The following CDH13 variants were observed in gnomAD, a reference collection of about 807,000 sequenced individuals.
CDH13 encodes the protein cadherin 13.
A neutral mutation model predicts 63.8 loss-of-function variants in CDH13; 24 were observed. That is an observed-to-expected ratio of 0.38 (90% CI 0.27 to 0.53). The LOEUF is 0.53. Ranked by LOEUF, CDH13 falls within the 20% of genes least tolerant of loss-of-function variation. The probability of loss-of-function intolerance (pLI) is 0.85; values close to 1 mark genes in which losing one functional copy is unlikely to be tolerated. For missense variants in CDH13, 1,049 were observed against 903.1 expected, an observed-to-expected ratio of 1.16 and a Z score of -2.07; for synonymous variants, 503 against 355.3, an observed-to-expected ratio of 1.42 and a Z score of -4.67.
intron 5 of CDH13, among the ~76,000 whole-genome samples, chr16:83,250,637 G>A (rs572255216): frequency 6.6e-6 from 1 of 152,180 alleles, no homozygotes; most frequent in Non-Finnish European, 1.5e-5. Flanking sequence ...GAAATAGAGA[G>A]TTGGTCGTGG....
At chr16:82,888,350 C>G (rs8063966) in intron 2 of CDH13, among the ~76,000 whole-genome samples, 112,731 of 152,148 alleles carry the variant, frequency 0.74, 42,158 homozygotes, top group East Asian at 0.88. Context: ...CTGGACTGGG[C>G]CTGTGGGTTG....
chr16:83,574,742 G>C (rs911452139), intron 7 of CDH13, among the ~76,000 whole-genome samples: 8 of 152,156 alleles, frequency 5.3e-5, no homozygotes, highest in Non-Finnish European at 8.8e-5. Flanking sequence ...GCCCTGTTAA[G>C]ATTCCCATGT....
At chr16:83,779,840 AGAGT>A in intron 11 of CDH13, 124 bp from the exon 12 acceptor site, 2 of 641,978 alleles carry the variant, frequency 3.1e-6, no homozygotes, top group South Asian at 2.1e-5. Context: ...TCTGGGCGAT[AGAGT>A]GAGACCCTGT....
chr16:82,724,500 GT>G (rs1260185910), intron 1 of CDH13, among the ~76,000 whole-genome samples: 1 of 152,154 alleles, frequency 6.6e-6, no homozygotes, highest in East Asian at 1.9e-4. Flanking sequence ...TCCCATATAT[GT>G]TTTGGTAGAG....
intron 10 of CDH13, among the ~76,000 whole-genome samples, chr16:83,703,207 T>C (rs1042287437): frequency 6.6e-5 from 10 of 152,202 alleles, no homozygotes; most frequent in Admixed American, 2.0e-4. Flanking sequence ...CGCTGCAGTA[T>C]GTATTAACTT....
rs2033703713 is a variant in CDH13, at chr16:82,736,930, C to T, written c.45+109793C>T. On this transcript the variant is annotated intron_variant, in intron 1 of 13. Transcript: ENST00000567109. Reference sequence around the variant, plus strand: ...TCCTCCACCTTTCACTTCTCAGATGCAGCATAATCGTGTTTCTTCCTCCCC... The same window carrying T: ...TCCTCCACCTTTCACTTCTCAGATGTAGCATAATCGTGTTTCTTCCTCCCC... Among the ~76,000 whole-genome samples the T allele has an allele frequency of 2.6e-5, 4 of 152,282 alleles. No individual in the cohort carries two copies. In the South Asian group the frequency reaches 8.3e-4, roughly 32 times the overall value.
chr16:82,842,422 C>T (rs1224116709), intron 1 of CDH13, among the ~76,000 whole-genome samples: 6 of 151,786 alleles, frequency 4.0e-5, no homozygotes, highest in Admixed American at 3.9e-4. Context: ...TGTAGTTCTT[C>T]ACACTGTACC....
chr16:82,965,970 C>T (rs1329527387), intron 2 of CDH13, among the ~76,000 whole-genome samples: 1 of 152,092 alleles, frequency 6.6e-6, no homozygotes, highest in Non-Finnish European at 1.5e-5. Context: ...TAATTCAGGG[C>T]ATGAAAATAT....
At chr16:83,168,085 C>G (rs981971585) in intron 4 of CDH13, among the ~76,000 whole-genome samples, 5 of 152,064 alleles carry the variant, frequency 3.3e-5, no homozygotes, top group Admixed American at 2.6e-4. Flanking sequence ...GGTTGAAAAA[C>G]TACTAGATGC....
intron 4 of CDH13, among the ~76,000 whole-genome samples, chr16:83,132,157 C>G (rs773506696): frequency 6.6e-6 from 1 of 152,092 alleles, no homozygotes; most frequent in Non-Finnish European, 1.5e-5. Flanking sequence ...TGAAGACCCA[C>G]GAAGACCAAG....
intron 1 of CDH13, among the ~76,000 whole-genome samples, chr16:82,686,233 T>C (rs984119503): frequency 2.6e-5 from 4 of 152,200 alleles, no homozygotes; most frequent in Admixed American, 2.6e-4. Context: ...CAGAATACTC[T>C]TGAAAGTAAA....
At chr16:83,192,660 T>C (rs767201788) in intron 4 of CDH13, among the ~76,000 whole-genome samples, 2 of 152,078 alleles carry the variant, frequency 1.3e-5, no homozygotes, top group African/African-American at 2.4e-5. Context: ...ACAGGGAGCT[T>C]AAAATGTGAG....
At chr16:82,817,942 T>G (rs1295291937) in intron 1 of CDH13, among the ~76,000 whole-genome samples, 1 of 79,188 alleles carries the variant, frequency 1.3e-5, no homozygotes, top group Non-Finnish European at 2.6e-5. Flanking sequence ...TAATTATAAA[T>G]GCATGTATAT....
Position 83,619,183 on chromosome 16 carries a change from T to C in CDH13, c.1101+16589T>C, listed in dbSNP as rs184494913. Among the ~76,000 whole-genome samples the C allele has an allele frequency of 2.2e-3, 335 of 152,342 alleles. 2 individuals carry two copies. The highest frequency in any genetic ancestry group is 7.8e-3 in the African/African-American group (323 of 41,576). ...GCCCATCAGACATGTATGTGCGCTATGCCTCCTCTTTTCCAGGCTCTGTGA... is the reference window on the plus strand; with the variant it reads ...GCCCATCAGACATGTATGTGCGCTACGCCTCCTCTTTTCCAGGCTCTGTGA... On this transcript the variant is annotated intron_variant, in intron 8 of 13. Coordinates refer to ENST00000567109, the MANE Select transcript of CDH13 (RefSeq NM_001257.5).
At chr16:83,502,259 G>C (rs2074300001) in intron 7 of CDH13, among the ~76,000 whole-genome samples, 1 of 152,166 alleles carries the variant, frequency 6.6e-6, no homozygotes, top group Non-Finnish European at 1.5e-5. Context: ...TATAATCACA[G>C]GGTCTTAATA....
chr16:82,811,534 A>C (rs970350904), intron 1 of CDH13, among the ~76,000 whole-genome samples: 1 of 152,192 alleles, frequency 6.6e-6, no homozygotes, highest in African/African-American at 2.4e-5. Flanking sequence ...CTACATTCAT[A>C]GTTGAAGAAC....
rs147051046 is a variant in CDH13, at chr16:83,375,587, G to A, written c.781+30581G>A. Among the ~76,000 whole-genome samples the A allele has an allele frequency of 2.9e-3, 439 of 152,306 alleles. 1 individual carries two copies. The highest frequency in any genetic ancestry group is 4.8e-3 in the Non-Finnish European group (324 of 68,028). On this transcript the variant is annotated intron_variant, in intron 6 of 13. Coordinates refer to ENST00000567109, the MANE Select transcript of CDH13 (RefSeq NM_001257.5). ...AACAGGCTTGTATGTTGTATATTTA[G>A]CAAACTGTGTTAAGTCCTAGAAGAG...
At chr16:83,257,340 T>C (rs1181756190) in intron 5 of CDH13, among the ~76,000 whole-genome samples, 5 of 152,088 alleles carry the variant, frequency 3.3e-5, no homozygotes, top group Non-Finnish European at 7.4e-5. Flanking sequence ...TTACTAAAAA[T>C]AGAATGACAG....
intron 6 of CDH13, among the ~76,000 whole-genome samples, chr16:83,472,678 G>A: frequency 6.6e-6 from 1 of 152,162 alleles, no homozygotes; most frequent in East Asian, 1.9e-4. Context: ...TGGAAAAGCA[G>A]TATTATTGTA....
Sources: allele counts gnomAD v4.1 joint callset (sites outside exome capture counted in the v4.1 genomes callset), GRCh38; gene constraint gnomAD v4.1.1; transcripts MANE v1.5; gene names NCBI Gene and HGNC (gene_info 2026-07-23, HGNC 2026-07-21).